IRAK2: variants seen among roughly 807,000 people sequenced by gnomAD.
IRAK2 encodes interleukin 1 receptor associated kinase 2.
In IRAK2, 57 loss-of-function variants were observed where a neutral mutation model predicts 72.0. That is an observed-to-expected ratio of 0.79 (90% CI 0.64 to 0.99). IRAK2 has a LOEUF of 0.99. Ranked by LOEUF, IRAK2 falls within the 50% of genes least tolerant of loss-of-function variation. The pLI, the probability that IRAK2 is intolerant of heterozygous loss-of-function variation, is 0.00. For missense variants in IRAK2, 790 were observed against 794.4 expected (o/e 0.99, Z 0.07); for synonymous variants, 293 against 312.7 (o/e 0.94, Z 0.67).
At chr3:10,227,656 C>T (rs1236844307) in intron 10 of IRAK2, among the ~76,000 whole-genome samples, 2 of 150,120 alleles carry the variant, frequency 1.3e-5, no homozygotes, top group African/African-American at 4.9e-5. Flanking sequence ...CCTGAGCCGA[C>T]ATCATGAGTT....
At position 10,221,237 on chromosome 3, in the gene IRAK2, CA is replaced by C. The variant is rs1213069256; in HGVS notation, c.1014-1388del. 2.0e-3 allele frequency among the ~76,000 whole-genome samples: 272 copies of C among 133,094 alleles called. 3 individuals carry two copies. Among genetic ancestry groups the C allele is most frequent in the African/African-American group, 6.8e-3 (242 of 35,426 alleles). 87.3% of individuals were successfully genotyped at this position (133,094 alleles called of 152,430 possible). A position where few individuals can be genotyped will look rare whatever the true frequency, so the allele number is the denominator to read the frequency against. ...GAAACCTCGTCTCTACTAAAAATAC[CA>C]AAAAAAAAAATTTTTTTTTTTTTTT... On this transcript the variant is annotated intron_variant, in intron 8 of 12. Coordinates refer to ENST00000256458, the MANE Select transcript of IRAK2 (RefSeq NM_001570.4).
intron 1 of IRAK2, among the ~76,000 whole-genome samples, chr3:10,172,861 A>T (rs1696819718): frequency 6.7e-6 from 1 of 148,274 alleles, no homozygotes; most frequent in African/African-American, 2.5e-5. Flanking sequence ...AAAAAAAAAA[A>T]GTAGAGACGG....
Position 10,232,420 on chromosome 3 carries a change from C to T in IRAK2, c.1273-2039C>T, listed in dbSNP as rs190391731. 1.5e-4 allele frequency among the ~76,000 whole-genome samples: 23 copies of T among 152,304 alleles called. No individual in the cohort carries two copies. In the East Asian group the frequency reaches 1.9e-3, roughly 13 times the overall value. ...GTGAGCCTCCCATTGCTTCACTACA[C>T]GGGGCGTAGCCTGTTGTCCTACTTT... On this transcript the variant is annotated intron_variant, in intron 10 of 12. Transcript: ENST00000256458.
chr3:10,167,574 C>T (rs1216691700), intron 1 of IRAK2, among the ~76,000 whole-genome samples: 1 of 152,010 alleles, frequency 6.6e-6, no homozygotes, highest in Non-Finnish European at 1.5e-5. Flanking sequence ...GCCACCATGC[C>T]CGGCTAATTT....
chr3:10,195,338 C>T (rs1697246376), intron 2 of IRAK2, among the ~76,000 whole-genome samples: 1 of 152,160 alleles, frequency 6.6e-6, no homozygotes, highest in African/African-American at 2.4e-5. Context: ...GGGAGGATCA[C>T]TGGGGCCTAG....
chr3:10,170,831 C>T (rs1438158052), intron 1 of IRAK2, among the ~76,000 whole-genome samples: 1 of 152,232 alleles, frequency 6.6e-6, no homozygotes, highest in African/African-American at 2.4e-5. Flanking sequence ...CCAGCGGTGC[C>T]TCCGGCCCAC....
intron 7 of IRAK2, among the ~76,000 whole-genome samples, chr3:10,218,446 C>CA (rs367761619): frequency 7.6e-6 from 1 of 132,144 alleles, no homozygotes. Context: ...AAAAAAAAAA[C>CA]CAAAACGGTG....
intron 3 of IRAK2, among the ~76,000 whole-genome samples, chr3:10,204,439 C>T (rs1222437341): frequency 3.3e-5 from 5 of 152,110 alleles, no homozygotes; most frequent in Non-Finnish European, 5.9e-5. Flanking sequence ...TGACACAGCT[C>T]GGCAGGACCA....
chr3:10,240,596 G>C (rs1168499758), intron 12 of IRAK2, among the ~76,000 whole-genome samples: 3 of 104,478 alleles, frequency 2.9e-5, no homozygotes, highest in Admixed American at 1.6e-4. Context: ...TTTCACTCTT[G>C]TTGCCCAGGC....
chr3:10,172,685 A>G (rs1419406112), intron 1 of IRAK2, among the ~76,000 whole-genome samples: 1 of 148,576 alleles, frequency 6.7e-6, no homozygotes, highest in African/African-American at 2.5e-5. Flanking sequence ...CAAAAATACA[A>G]AAATTAGCTG....
rs528664245 is a variant in IRAK2 at position 10,219,579 on chromosome 3, G to A, written c.904-101G>A. ...GTGATCTGCCTGCCTGGGCCTCCCA[G>A]TGTGCTGGGATTACAGGTGTGAGCC... On this transcript the variant is annotated intron_variant, in intron 7 of 12. Coordinates refer to ENST00000256458, the MANE Select transcript of IRAK2 (RefSeq NM_001570.4). 53 of 784,010 alleles carry A rather than the reference G, an allele frequency of 6.8e-5. No homozygotes were observed. In the African/African-American group the frequency reaches 7.4e-4, roughly 11 times the overall value. 48.6% of individuals were successfully genotyped at this position (784,010 alleles called of 1,614,324 possible). A position where few individuals can be genotyped will look rare whatever the true frequency, so the allele number is the denominator to read the frequency against.
In IRAK2 at chr3:10,240,541, C is replaced by A. The variant is rs1184342650; in HGVS notation, c.1765+1502C>A. On this transcript the variant is annotated intron_variant, in intron 12 of 12. Transcript: ENST00000256458. Reference sequence around the variant, plus strand: ...TCTGAAATAAAAAATTAGGAAGCCCCCCCCCCCCCCCCCCGCCTTTTTTTT... The same window carrying A: ...TCTGAAATAAAAAATTAGGAAGCCCACCCCCCCCCCCCCCGCCTTTTTTTT... 3.4e-4 allele frequency among the ~76,000 whole-genome samples: 6 copies of A among 17,816 alleles called. No individual in the cohort carries two copies. The South Asian group carries it at 0.02, about 58-fold the overall frequency. The allele number at this position is 17,816 out of a possible 152,430, so 11.7% of individuals were successfully genotyped here. A position where few individuals can be genotyped will look rare whatever the true frequency, so the allele number is the denominator to read the frequency against.
In IRAK2 at chr3:10,234,551, C is replaced by T; in HGVS notation, c.1365C>T (p.Cys455=). The change falls in exon 11 of 13, where the codon TGC becomes TGT. Residue 455 remains cysteine, a synonymous_variant. Transcript: ENST00000256458. ...AGAACGTGATGGCAAAGGAGATCTGCCAGAAGTACCTGGAGAAGGGCGCAG... is the reference window on the plus strand; with the variant it reads ...AGAACGTGATGGCAAAGGAGATCTGTCAGAAGTACCTGGAGAAGGGCGCAG... ...GVENVMAKEI[C]QKYLEKGAGR... is the part of the protein sequence containing the mutation. 6.2e-7 allele frequency: 1 copy of T among 1,614,122 alleles called. No homozygotes were observed. Among genetic ancestry groups the T allele is most frequent in the Non-Finnish European group, 8.5e-7 (1 of 1,180,030 alleles).
chr3:10,241,975 T>G, intron 12 of IRAK2, 141 bp from the exon 13 acceptor site: 4 of 360,952 alleles, frequency 1.1e-5, no homozygotes, highest in African/African-American at 4.6e-5. Context: ...CCTGTCTCGA[T>G]AAAAAAAAAA....
At chr3:10,191,896 A>T (rs573501103) in intron 2 of IRAK2, among the ~76,000 whole-genome samples, 26 of 152,236 alleles carry the variant, frequency 1.7e-4, no homozygotes, top group African/African-American at 5.5e-4. Context: ...GAATGAATGA[A>T]TGAGAAAGAA....
chr3:10,243,572 T>C lies in IRAK2; in HGVS notation c.*1344T>C, dbSNP rs1206355048. On this transcript the variant is annotated 3_prime_UTR_variant, in exon 13 of 13. Coordinates refer to ENST00000256458, the MANE Select transcript of IRAK2 (RefSeq NM_001570.4). ...TTTTGTAAAATAAAAAGGTATTAAA[T>C]GTGTATTTCTGCCATGTACCTAATG... The C allele has an allele frequency of 6.5e-6, 1 of 152,678 alleles. No individual in the cohort carries two copies. 9.5% of individuals were successfully genotyped at this position (152,678 alleles called of 1,614,324 possible).
chr3:10,212,303 A>AT (rs893283581), intron 4 of IRAK2, among the ~76,000 whole-genome samples: 16 of 150,064 alleles, frequency 1.1e-4, no homozygotes, highest in Middle Eastern at 3.4e-3. Context: ...TTTTTTTGCA[A>AT]TTTTTTTTTT....
intron 4 of IRAK2, among the ~76,000 whole-genome samples, chr3:10,211,245 G>A (rs1033468454): frequency 2.7e-5 from 4 of 150,178 alleles, no homozygotes; most frequent in East Asian, 2.0e-4. Flanking sequence ...CAGTTTAAGC[G>A]ATTCTCCTGC....
At chr3:10,177,035 TTG>T (rs1379640617) in intron 1 of IRAK2, among the ~76,000 whole-genome samples, 1 of 151,948 alleles carries the variant, frequency 6.6e-6, no homozygotes, top group African/African-American at 2.4e-5. Context: ...TCTCCTGACC[TTG>T]TGGTCCACCT....
Sources: allele counts gnomAD v4.1 joint callset (sites outside exome capture counted in the v4.1 genomes callset), GRCh38; gene constraint gnomAD v4.1.1; transcripts MANE v1.5; gene names NCBI Gene and HGNC (gene_info 2026-07-23, HGNC 2026-07-21).